The following PCDHA12 variants were observed in gnomAD, a reference collection of about 807,000 sequenced individuals.
PCDHA12 encodes the protein protocadherin alpha 12.
In PCDHA12, 44 loss-of-function variants were observed where a neutral mutation model predicts 60.0. The ratio of observed to expected loss-of-function variants is 0.73; its 90% CI spans 0.58 to 0.94. The LOEUF (loss-of-function observed/expected upper bound fraction) is 0.94. PCDHA12 is among the 40% of genes least tolerant of loss of function. The pLI is 0.00. For synonymous variants in PCDHA12, 569 were observed against 553.0 expected (o/e 1.03, Z -0.40); for missense variants, 1,276 against 1,239.7 (o/e 1.03, Z -0.44).
At chr5:140,929,554 C>T (rs899446101) in intron 1 of PCDHA12, 4 of 488,414 alleles carry the variant, frequency 8.2e-6, no homozygotes, top group Non-Finnish European at 1.4e-5. Context: ...AAAATTAAAA[C>T]CTATTTAAGA....
At chr5:140,884,068 T>A (rs1554181200) in intron 1 of PCDHA12, 1 of 1,613,416 alleles carries the variant, frequency 6.2e-7, no homozygotes. Context: ...TGGACGCCGA[T>A]TCGGGCTACA....
In PCDHA12 at chr5:140,891,823, C is replaced by T. The variant is rs186209593; in HGVS notation, c.2367+13984C>T. On this transcript the variant is annotated intron_variant, in intron 1 of 3. Transcript: ENST00000398631. ...TGCCCTCATGAATAAATTAACGGCACTGTAAAAGGACTTGATGGAAGGAGC... is the reference window on the plus strand; with the variant it reads ...TGCCCTCATGAATAAATTAACGGCATTGTAAAAGGACTTGATGGAAGGAGC... Among the ~76,000 whole-genome samples, 1,217 of 152,254 alleles carry T rather than the reference C, an allele frequency of 8.0e-3. 6 individuals carry two copies. The highest frequency in any genetic ancestry group is 0.019 in the African/African-American group (784 of 41,536).
intron 1 of PCDHA12, chr5:140,883,260 C>A (rs1554177345): frequency 6.2e-7 from 1 of 1,613,946 alleles, no homozygotes; most frequent in Non-Finnish European, 8.5e-7. Context: ...ATTCCAATGG[C>A]GGGTCATTGT....
chr5:140,974,467 A>C (rs2096628825), intron 1 of PCDHA12, among the ~76,000 whole-genome samples: 1 of 152,228 alleles, frequency 6.6e-6, no homozygotes, highest in Non-Finnish European at 1.5e-5. Context: ...TTCAGAGGAA[A>C]GTATTCCACC....
chr5:140,922,176 CA>C (rs3836750), intron 1 of PCDHA12, among the ~76,000 whole-genome samples: 49,174 of 150,706 alleles, frequency 0.33, 8,259 homozygotes, highest in East Asian at 0.53. Context: ...GTACAGCAGA[CA>C]AAAAAAAAGT....
intron 1 of PCDHA12, among the ~76,000 whole-genome samples, chr5:140,973,304 C>G (rs1252823783): frequency 6.6e-6 from 1 of 152,126 alleles, no homozygotes; most frequent in Non-Finnish European, 1.5e-5. Context: ...TCTGATGACT[C>G]TATCCTGGAA....
intron 1 of PCDHA12, among the ~76,000 whole-genome samples, chr5:140,959,927 C>A (rs1554224406): frequency 6.6e-6 from 1 of 152,038 alleles, no homozygotes; most frequent in African/African-American, 2.4e-5. Flanking sequence ...TTGTAAAGCC[C>A]CATTACTTAG....
At chr5:141,009,036 T>C (rs782309668) in intron 3 of PCDHA12, among the ~76,000 whole-genome samples, 7 of 152,242 alleles carry the variant, frequency 4.6e-5, no homozygotes, top group Non-Finnish European at 1.0e-4. Context: ...TCCCATCCCG[T>C]TCCCAGTCAA....
intron 1 of PCDHA12, among the ~76,000 whole-genome samples, chr5:140,894,679 C>A (rs1227870690): frequency 6.6e-6 from 1 of 151,682 alleles, no homozygotes; most frequent in African/African-American, 2.4e-5. Context: ...TCTTGCATAG[C>A]TTTTCATTAT....
chr5:140,924,613 T>G (rs185833158), intron 1 of PCDHA12, among the ~76,000 whole-genome samples: 1 of 152,170 alleles, frequency 6.6e-6, no homozygotes, highest in African/African-American at 2.4e-5. Context: ...TGATGCCAGG[T>G]GCGGTGGCAT....
chr5:140,919,480 T>C (rs1745975489), intron 1 of PCDHA12, among the ~76,000 whole-genome samples: 1 of 152,198 alleles, frequency 6.6e-6, no homozygotes, highest in Admixed American at 6.5e-5. Context: ...TATTTGGATT[T>C]ATGTTTGTTA....
intron 1 of PCDHA12, among the ~76,000 whole-genome samples, chr5:140,934,231 C>T (rs2089713851): frequency 6.6e-6 from 1 of 152,014 alleles, no homozygotes; most frequent in African/African-American, 2.4e-5. Context: ...AAGATTTGTA[C>T]TTAATTGTGG....
chr5:140,974,057 G>A (rs1302269611), intron 1 of PCDHA12, among the ~76,000 whole-genome samples: 1 of 152,154 alleles, frequency 6.6e-6, no homozygotes, highest in Non-Finnish European at 1.5e-5. Flanking sequence ...ATAATATTTG[G>A]AGCAGTATAA....
intron 1 of PCDHA12, among the ~76,000 whole-genome samples, chr5:140,894,883 A>ACC (rs1407725642): frequency 6.6e-6 from 1 of 152,200 alleles, no homozygotes; most frequent in African/African-American, 2.4e-5. Flanking sequence ...TTTAGAAGAA[A>ACC]CAGACCAGGA....
intron 1 of PCDHA12, among the ~76,000 whole-genome samples, chr5:140,940,208 A>T (rs1193106137): frequency 6.6e-6 from 1 of 152,164 alleles, no homozygotes; most frequent in Non-Finnish European, 1.5e-5. Flanking sequence ...AAAATTCAAG[A>T]TTGGCATTTA....
chr5:140,952,176 C>G (rs1300041660), intron 1 of PCDHA12, among the ~76,000 whole-genome samples: 1 of 152,058 alleles, frequency 6.6e-6, no homozygotes, highest in African/African-American at 2.4e-5. Flanking sequence ...GTTCCTGCAG[C>G]TGCTCTCATG....
At chr5:140,894,717 A>G (rs1349709964) in intron 1 of PCDHA12, among the ~76,000 whole-genome samples, 1 of 151,920 alleles carries the variant, frequency 6.6e-6, no homozygotes, top group Non-Finnish European at 1.5e-5. Flanking sequence ...GTTGTTTTCA[A>G]ATATTACGTA....
At chr5:140,883,332 T>C (rs2059555585) in intron 1 of PCDHA12, 3 of 1,614,174 alleles carry the variant, frequency 1.9e-6, no homozygotes, top group Non-Finnish European at 2.5e-6. Flanking sequence ...ATCACTTCTT[T>C]GTCACTCCCC....
intron 1 of PCDHA12, among the ~76,000 whole-genome samples, chr5:140,900,446 T>C (rs1344652526): frequency 6.6e-6 from 1 of 152,154 alleles, no homozygotes; most frequent in African/African-American, 2.4e-5. Context: ...GCCGGCTAAT[T>C]TTTTATTTTT....
Sources: allele counts gnomAD v4.1 joint callset (sites outside exome capture counted in the v4.1 genomes callset), GRCh38; gene constraint gnomAD v4.1.1; transcripts MANE v1.5; gene names NCBI Gene and HGNC (gene_info 2026-07-23, HGNC 2026-07-21).